Variants in RASL10B observed in about 807,000 individuals in gnomAD.
The protein encoded by RASL10B is ras-like protein family member 10B.
A neutral mutation model predicts 20.7 loss-of-function variants in RASL10B; 10 were observed. The observed-to-expected ratio is 0.48, with a 90% confidence interval of 0.30 to 0.82. RASL10B has a LOEUF of 0.82. RASL10B is among the 40% of genes least tolerant of loss of function. The probability of loss-of-function intolerance (pLI) is 0.07; values close to 1 mark genes in which losing one functional copy is unlikely to be tolerated. For missense variants in RASL10B, 231 were observed against 295.4 expected (o/e 0.78, Z 1.60); for synonymous variants, 110 against 123.3 (o/e 0.89, Z 0.72).
At position 35,735,023 on chromosome 17, in the gene RASL10B, C is replaced by T. The variant is rs1242922687; in HGVS notation, c.-147-15C>T. ...GGATAAGCCAGTGCACTAAGCCCAC[C>T]TCTTGTCCCCACAGTCCAGGTGGAG... On this transcript the variant is annotated splice_polypyrimidine_tract_variant and intron_variant, in intron 1 of 3. Coordinates refer to ENST00000603017, the MANE Select transcript of RASL10B (RefSeq NM_033315.4). The surrounding 1 kb of genome is among the most constrained non-coding windows in gnomAD (Gnocchi z 6.7). The T allele has an allele frequency of 5.8e-6, 4 of 693,400 alleles. No individual in the cohort carries two copies. The highest frequency in any genetic ancestry group is 3.5e-5 in the African/African-American group (2 of 56,830). 43.0% of individuals were successfully genotyped at this position (693,400 alleles called of 1,614,324 possible). A position where few individuals can be genotyped will look rare whatever the true frequency, so the allele number is the denominator to read the frequency against.
chr17:35,738,924 G>A, intron 2 of RASL10B, among the ~76,000 whole-genome samples: 1 of 152,174 alleles, frequency 6.6e-6, no homozygotes, highest in African/African-American at 2.4e-5. Flanking sequence ...CATTGGTCTT[G>A]GGGGATCGTG....
intron 1 of RASL10B, 68 bp from the exon 2 acceptor site, chr17:35,734,970 A>G (rs226421): frequency 0.35 from 204,067 of 587,756 alleles, 38,630 homozygotes; most frequent in African/African-American, 0.63. Flanking sequence ...CAAAGTCCCA[A>G]AGGTGGAAAA....
rs781963627 is a variant in RASL10B at position 35,741,261 on chromosome 17, C to G, written c.568C>G (p.Arg190Gly). 2 of 1,559,758 alleles carry G rather than the reference C, an allele frequency of 1.3e-6. No homozygotes were observed. The highest frequency in any genetic ancestry group is 1.2e-5 in the South Asian group (1 of 85,436). Residue 190 changes from arginine to glycine, a missense_variant, in exon 4 of 4, where the codon CGC (arginine) becomes GGC (glycine). Coordinates refer to ENST00000603017, the MANE Select transcript of RASL10B (RefSeq NM_033315.4). ...TTGCAAGCACGTGCACGCTGCCCTG[C>G]GCTTCCAGGGCGCGCTGCGCCGCAA... ...ARCKHVHAALRFQGALRRNRC... is the reference protein window; with the variant it reads ...ARCKHVHAALGFQGALRRNRC...
At chr17:35,740,982 G>T (rs2085625018) in intron 3 of RASL10B, 53 bp from the exon 4 acceptor site, 12 of 1,478,300 alleles carry the variant, frequency 8.1e-6, no homozygotes, top group Non-Finnish European at 1.1e-5. Context: ...CCTGCTGGGA[G>T]TACAGCGGTT....
In RASL10B at chr17:35,741,152, C is replaced by T. The variant is rs781845445; in HGVS notation, c.459C>T (p.Cys153=). 2 of 1,613,490 alleles carry T rather than the reference C, an allele frequency of 1.2e-6. No homozygotes were observed. Among genetic ancestry groups the T allele is most frequent in the South Asian group, 2.2e-5 (2 of 91,084 alleles). The change falls in exon 4 of 4, where the codon TGC becomes TGT. Residue 153 remains cysteine (C), a synonymous_variant. Transcript: ENST00000603017. ...VSHLVRKTWK[C]GYVECSAKYN... ...ACCTGGTACGCAAGACCTGGAAGTGCGGCTACGTGGAATGCTCGGCCAAGT... is the reference window on the plus strand; with the variant it reads ...ACCTGGTACGCAAGACCTGGAAGTGTGGCTACGTGGAATGCTCGGCCAAGT...
chr17:35,740,954 T>C (rs2085624900), intron 3 of RASL10B, 81 bp from the exon 4 acceptor site: 1 of 1,215,528 alleles, frequency 8.2e-7, no homozygotes. Flanking sequence ...GTGGTAGTAT[T>C]GGCCAGGCAC....
intron 2 of RASL10B, chr17:35,736,834 A>G (rs955966862): frequency 6.6e-6 from 1 of 152,140 alleles, no homozygotes; most frequent in African/African-American, 2.4e-5. Flanking sequence ...GGCTCACTGC[A>G]ATCTTCGCCT....
At chr17:35,740,766 G>C (rs782537301) in intron 3 of RASL10B, among the ~76,000 whole-genome samples, 1 of 152,198 alleles carries the variant, frequency 6.6e-6, no homozygotes, top group South Asian at 2.1e-4. Flanking sequence ...TGGGACTTCT[G>C]GAACAAGACT....
chr17:35,733,106 T>C (rs1266564957), intron 1 of RASL10B, among the ~76,000 whole-genome samples: 1 of 152,166 alleles, frequency 6.6e-6, no homozygotes, highest in Admixed American at 6.5e-5. Flanking sequence ...GGGTTTGTTT[T>C]TTGGGGGGTT....
chr17:35,734,466 C>T (rs975501526), intron 1 of RASL10B, among the ~76,000 whole-genome samples: 3 of 152,084 alleles, frequency 2.0e-5, no homozygotes, highest in South Asian at 2.1e-4. Flanking sequence ...ACCCCAGAGG[C>T]GACGTGGTCA....
rs1555597081 is a variant in RASL10B, at chr17:35,735,433, G to A, written c.216+33G>A. 7 of 1,601,344 alleles carry A rather than the reference G, an allele frequency of 4.4e-6. No homozygotes were observed. The highest frequency in any genetic ancestry group is 2.2e-5 in the South Asian group (2 of 90,834). On this transcript the variant is annotated intron_variant, in intron 2 of 3. Transcript: ENST00000603017. This position sits in a 1 kb window ranked among gnomAD's most constrained non-coding sequence, Gnocchi z 6.7. Reference sequence around the variant, plus strand: ...GACCCTGGGGGGCATGGGTTAGTGGGGAAACGGATGGGTAGGGGAGAGGCT... The same window carrying A: ...GACCCTGGGGGGCATGGGTTAGTGGAGAAACGGATGGGTAGGGGAGAGGCT...
chr17:35,731,902 C>CGGTCAGGGGTGGAGCGGGGCCG (rs1485384151), intron 1 of RASL10B, 24 bp downstream of exon 1: 1 of 139,096 alleles, frequency 7.2e-6, no homozygotes, highest in Non-Finnish European at 1.6e-5. Context: ...GGAGGGGAAG[C>CGGTCAGGGGTGGAGCGGGGCCG]GGTCAGGGGT....
At position 35,743,100 on chromosome 17, in the gene RASL10B, G is replaced by A. The variant is rs2085640264; in HGVS notation, c.*1795G>A. 1 of 152,728 alleles carries A rather than the reference G, an allele frequency of 6.5e-6. No homozygotes were observed. Among genetic ancestry groups the A allele is most frequent in the Admixed American group, 6.5e-5 (1 of 15,290 alleles). The allele number at this position is 152,728 out of a possible 1,614,324, so 9.5% of individuals were successfully genotyped here. A position where few individuals can be genotyped will look rare whatever the true frequency, so the allele number is the denominator to read the frequency against. On this transcript the variant is annotated 3_prime_UTR_variant, in exon 4 of 4. Coordinates refer to ENST00000603017, the MANE Select transcript of RASL10B (RefSeq NM_033315.4). Reference sequence around the variant, plus strand: ...TCTGTGAGCCTCCCTCTGACACAGAGGAGGTGGCTCCCCTTCCCCACACCT... The same window carrying A: ...TCTGTGAGCCTCCCTCTGACACAGAAGAGGTGGCTCCCCTTCCCCACACCT...
chr17:35,741,371 T>G lies in RASL10B; in HGVS notation c.*66T>G. 1 of 1,365,542 alleles carries G rather than the reference T, an allele frequency of 7.3e-7. No individual in the cohort carries two copies. Among genetic ancestry groups the G allele is most frequent in the Non-Finnish European group, 9.4e-7 (1 of 1,064,904 alleles). 84.6% of individuals were successfully genotyped at this position (1,365,542 alleles called of 1,614,324 possible). A position where few individuals can be genotyped will look rare whatever the true frequency, so the allele number is the denominator to read the frequency against. Reference sequence around the variant, plus strand: ...GGAGGGCGGGGCCGTACTGCGGGGCTGGGGCGGGGAGCGGGCGGGAAATGG... The same window carrying G: ...GGAGGGCGGGGCCGTACTGCGGGGCGGGGGCGGGGAGCGGGCGGGAAATGG... On this transcript the variant is annotated 3_prime_UTR_variant, in exon 4 of 4. Transcript: ENST00000603017.
chr17:35,740,336 G>A, intron 2 of RASL10B, 73 bp from the exon 3 acceptor site: 2 of 1,570,846 alleles, frequency 1.3e-6, no homozygotes, highest in Non-Finnish European at 1.7e-6. Flanking sequence ...CTGCCCCTCT[G>A]ATGGGAGGTG....
rs1412562175 is a variant in RASL10B at position 35,735,998 on chromosome 17, G to A, written c.216+598G>A. 6.6e-6 allele frequency among the ~76,000 whole-genome samples: 1 copy of A among 152,220 alleles called. No homozygotes were observed. The highest frequency in any genetic ancestry group is 1.5e-5 in the Non-Finnish European group (1 of 68,038). On this transcript the variant is annotated intron_variant, in intron 2 of 3. Coordinates refer to ENST00000603017, the MANE Select transcript of RASL10B (RefSeq NM_033315.4). The surrounding 1 kb of genome is among the most constrained non-coding windows in gnomAD (Gnocchi z 6.7). ...GCCCTGGGAAAGGTGTGTTCTTGGA[G>A]ACTCTGGAGACCCCAGTCAGGTCTC...
Position 35,735,443 on chromosome 17 carries a change from G to A in RASL10B, c.216+43G>A. The A allele has an allele frequency of 2.5e-6, 4 of 1,589,786 alleles. No individual in the cohort carries two copies. The highest frequency in any genetic ancestry group is 3.4e-6 in the Non-Finnish European group (4 of 1,159,758). ...GGCATGGGTTAGTGGGGAAACGGAT[G>A]GGTAGGGGAGAGGCTGGATTCCAAA... On this transcript the variant is annotated intron_variant, in intron 2 of 3. Coordinates refer to ENST00000603017, the MANE Select transcript of RASL10B (RefSeq NM_033315.4). This position sits in a 1 kb window ranked among gnomAD's most constrained non-coding sequence, Gnocchi z 6.7.
rs1230416973 is a variant in RASL10B at position 35,741,178 on chromosome 17, A to G, written c.485A>G (p.Tyr162Cys). 6.2e-7 allele frequency: 1 copy of G among 1,613,214 alleles called. No individual in the cohort carries two copies. Among genetic ancestry groups the G allele is most frequent in the African/African-American group, 1.3e-5 (1 of 74,948 alleles). The change falls in exon 4 of 4, where the codon TAC becomes TGC. Residue 162 changes from tyrosine to cysteine, a missense_variant. Transcript: ENST00000603017. ...KCGYVECSAK[Y>C]NWHILLLFSE... ...GGCTACGTGGAATGCTCGGCCAAGT[A>G]CAACTGGCACATCCTGCTGCTCTTC...
chr17:35,733,177 T>C (rs79718601), intron 1 of RASL10B, among the ~76,000 whole-genome samples: 7,782 of 152,246 alleles, frequency 0.051, 271 homozygotes, highest in Non-Finnish European at 0.074. Flanking sequence ...ACTGCATGCA[T>C]GTGAGCTCAT....
Sources: gnomAD v4.1 joint callset for allele counts (sites outside exome capture counted in the v4.1 genomes callset) on GRCh38, gnomAD v4.1.1 for gene constraint, Gnocchi (gnomAD v3.1) non-coding constraint, MANE v1.5 for transcripts, NCBI Gene and HGNC (gene_info 2026-07-23, HGNC 2026-07-21) for gene names.